ZNF599: variants seen among roughly 807,000 people sequenced by gnomAD.
The protein encoded by ZNF599 is zinc finger protein 599.
ZNF599 carries 10 observed loss-of-function variants against 11.7 expected under a neutral mutation model. The ratio of observed to expected loss-of-function variants is 0.86; its 90% CI spans 0.53 to 1.45. The LOEUF is 1.45. Among genes scored for constraint, ZNF599 ranks in the 40% most tolerant of loss-of-function variants. The probability of loss-of-function intolerance (pLI) is 0.00; values close to 1 mark genes in which losing one functional copy is unlikely to be tolerated. For synonymous variants in ZNF599, 232 were observed against 253.2 expected, an observed-to-expected ratio of 0.92 and a Z score of 0.79; for missense variants, 688 against 713.6, an observed-to-expected ratio of 0.96 and a Z score of 0.41.
chr19:34,788,178 G>A, the ZNF599 span, among the ~76,000 whole-genome samples: 2 of 152,148 alleles, frequency 1.3e-5, no homozygotes, highest in East Asian at 3.8e-4. Flanking sequence ...AGCATCTGTG[G>A]ATGCAGTATC....
chr19:34,784,776 C>T, the ZNF599 span, among the ~76,000 whole-genome samples: 5 of 151,772 alleles, frequency 3.3e-5, no homozygotes, highest in African/African-American at 1.2e-4. Context: ...AATGTGGCCA[C>T]TTACCAGATC....
At chr19:34,778,920 A>C in the ZNF599 span, among the ~76,000 whole-genome samples, 3 of 152,244 alleles carry the variant, frequency 2.0e-5, no homozygotes, top group Admixed American at 6.5e-5. Context: ...GTGGCAAAAA[A>C]ACATACAAAA....
the ZNF599 span, among the ~76,000 whole-genome samples, chr19:34,787,219 TATCATCATCATCATCATCATC>T: frequency 2.7e-5 from 4 of 148,644 alleles, no homozygotes; most frequent in South Asian, 2.2e-4. Context: ...CGGCTATTTT[TATCATCATCATCATCATCATC>T]ATCATCATCA....
At chr19:34,777,484 T>C (rs1368496592), upstream of ZNF599, among the ~76,000 whole-genome samples, 3 of 105,934 alleles carry the variant, frequency 2.8e-5, no homozygotes, top group East Asian at 4.6e-4. Flanking sequence ...AATTAATATA[T>C]AATATATGAT....
upstream of ZNF599, among the ~76,000 whole-genome samples, chr19:34,777,374 T>TAA (rs1179343916): frequency 3.0e-4 from 23 of 76,700 alleles, no homozygotes; most frequent in South Asian, 5.1e-3. Context: ...ATATTATATA[T>TAA]TATATATTAA....
Position 34,769,501 on chromosome 19 carries a change from G to A in ZNF599, c.73C>T (p.His25Tyr), listed in dbSNP as rs2069168097. 1 of 1,614,232 alleles carries A rather than the reference G, an allele frequency of 6.2e-7. No homozygotes were observed. Among genetic ancestry groups the A allele is most frequent in the Non-Finnish European group, 8.5e-7 (1 of 1,180,036 alleles). Reference sequence around the variant, plus strand: ...AGGGTCCTCTGGGCCAGGTCCAGGTGCCCCCATTCCTCTCCAGTGAAGGTC... The same window carrying A: ...AGGGTCCTCTGGGCCAGGTCCAGGTACCCCCATTCCTCTCCAGTGAAGGTC... ...VVTFTGEEWGHLDLAQRTLYQ... is the reference protein window; with the variant it reads ...VVTFTGEEWGYLDLAQRTLYQ... Residue 25 changes from histidine (H) to tyrosine (Y), a missense_variant, in exon 2 of 4, where the codon CAC (histidine) becomes TAC (tyrosine). Physicochemically the swap from His to Tyr is moderately conservative, Grantham distance 83. Transcript: ENST00000329285.
intron 1 of ZNF599, among the ~76,000 whole-genome samples, chr19:34,770,965 T>C (rs769635762): frequency 8.5e-5 from 13 of 152,090 alleles, no homozygotes; most frequent in Admixed American, 1.3e-4. Flanking sequence ...CAATCCACTG[T>C]GGGTGAAATA....
chr19:34,796,315 ATTT>A, the ZNF599 span, among the ~76,000 whole-genome samples: 1 of 141,696 alleles, frequency 7.1e-6, no homozygotes, highest in Non-Finnish European at 1.6e-5. Context: ...GAGCCCTTCA[ATTT>A]TTTTTTTTTT....
the ZNF599 span, among the ~76,000 whole-genome samples, chr19:34,790,046 T>C: frequency 6.6e-6 from 1 of 152,304 alleles, no homozygotes; most frequent in South Asian, 2.1e-4. Flanking sequence ...GAGATAAGGG[T>C]CTAAGTTCAT....
At chr19:34,770,024 G>C (rs181177446) in intron 1 of ZNF599, among the ~76,000 whole-genome samples, 1 of 152,320 alleles carries the variant, frequency 6.6e-6, no homozygotes, top group East Asian at 1.9e-4. Flanking sequence ...TGACCTTGGA[G>C]AAGTCTCTTA....
At chr19:34,801,330 T>G in the ZNF599 span, among the ~76,000 whole-genome samples, 1 of 152,266 alleles carries the variant, frequency 6.6e-6, no homozygotes, top group Non-Finnish European at 1.5e-5. Context: ...TAATAAGACC[T>G]TTCTCCAGCG....
At chr19:34,769,992 T>C (rs574090094) in intron 1 of ZNF599, among the ~76,000 whole-genome samples, 4 of 152,370 alleles carry the variant, frequency 2.6e-5, no homozygotes, top group African/African-American at 9.6e-5. Context: ...ATCCAGCCTC[T>C]TGAACCAACC....
chr19:34,806,515 C>T, the ZNF599 span, among the ~76,000 whole-genome samples: 121 of 152,312 alleles, frequency 7.9e-4, no homozygotes, highest in African/African-American at 2.8e-3. Context: ...GCAAAATTTC[C>T]TGAACTTGTT....
the ZNF599 span, among the ~76,000 whole-genome samples, chr19:34,785,834 C>T: frequency 6.6e-6 from 1 of 152,114 alleles, no homozygotes; most frequent in African/African-American, 2.4e-5. Context: ...TTTCCCAGGG[C>T]CAACTGGAAT....
the ZNF599 span, among the ~76,000 whole-genome samples, chr19:34,801,140 C>A: frequency 2.0e-5 from 3 of 152,288 alleles, no homozygotes; most frequent in Admixed American, 6.5e-5. Context: ...TGAGCAGGGG[C>A]AGGATTTGAA....
Position 34,759,699 on chromosome 19 carries a change from A to T in ZNF599, c.1102T>A (p.Leu368Ile). ...AAGGTTTTTCCACATTCTTTACATA[A>T]AAATGGTTTTTCTCCTGTGTGGGTC... The part of the protein sequence containing the change: ...NVTHTGEKPF[L>I]CKECGKTFCL... The change falls in exon 4 of 4, where the codon TTA (leucine) becomes ATA (isoleucine). Residue 368 changes from leucine (L) to isoleucine (I), a missense_variant. Leu to Ile is a conservative substitution (Grantham distance 5). Transcript: ENST00000329285. 1 of 1,613,852 alleles carries T rather than the reference A, an allele frequency of 6.2e-7. No individual in the cohort carries two copies. The highest frequency in any genetic ancestry group is 1.1e-5 in the South Asian group (1 of 91,056).
intron 3 of ZNF599, among the ~76,000 whole-genome samples, chr19:34,766,374 GATGA>G (rs1352186306): frequency 6.6e-6 from 1 of 152,204 alleles, no homozygotes; most frequent in Non-Finnish European, 1.5e-5. Context: ...TAAATGAAAA[GATGA>G]ATGGATGGAT....
rs369684232 is a variant in ZNF599 at position 34,765,575 on chromosome 19, T to A, written c.241+1741A>T. The stretch of plus-strand genomic sequence containing the variant: ...ACACCTGAGAAGGCAGAAAGTGTAA[T>A]CTAGATTCTGCTGGAGAAATTAGCC... On this transcript the variant is annotated intron_variant, in intron 3 of 3. Transcript: ENST00000329285. 101 of 702,874 alleles carry A rather than the reference T, an allele frequency of 1.4e-4. 1 individual carries two copies. The South Asian group carries it at 1.4e-3, about 10-fold the overall frequency. The allele number at this position is 702,874 out of a possible 1,614,324, so 43.5% of individuals were successfully genotyped here.
At chr19:34,783,759 A>G in the ZNF599 span, among the ~76,000 whole-genome samples, 2 of 152,166 alleles carry the variant, frequency 1.3e-5, no homozygotes, top group Non-Finnish European at 2.9e-5. Context: ...AGATACAAAC[A>G]AAAGGGCTCA....
Sources: gnomAD v4.1 joint callset for allele counts (sites outside exome capture counted in the v4.1 genomes callset) on GRCh38, gnomAD v4.1.1 for gene constraint, MANE v1.5 for transcripts, NCBI Gene and HGNC (gene_info 2026-07-23, HGNC 2026-07-21) for gene names.